Variants in KAZN observed in about 807,000 individuals in gnomAD.
KAZN encodes kazrin, periplakin interacting protein.
In KAZN, 40 loss-of-function variants were observed where a neutral mutation model predicts 87.4. That is an observed-to-expected ratio of 0.46 (90% confidence interval 0.36 to 0.60). The LOEUF (loss-of-function observed/expected upper bound fraction) is 0.60. Ranked by LOEUF, KAZN falls within the 20% of genes least tolerant of loss-of-function variation. The probability of loss-of-function intolerance (pLI) is 0.00; values close to 1 mark genes in which losing one functional copy is unlikely to be tolerated. For missense variants in KAZN, 898 were observed against 1,073.9 expected (o/e 0.84, Z 2.29); for synonymous variants, 466 against 458.3 (o/e 1.02, Z -0.22).
intron 8 of KAZN, among the ~76,000 whole-genome samples, chr1:15,078,413 T>A (rs1244953813): frequency 1.3e-5 from 2 of 151,724 alleles, no homozygotes; most frequent in African/African-American, 2.4e-5. Context: ...TCAAAAAAAA[T>A]AAAAAATAAA....
At chr1:14,000,084 G>T (rs373463875) in intron 1 of KAZN, among the ~76,000 whole-genome samples, 1 of 152,232 alleles carries the variant, frequency 6.6e-6, no homozygotes, top group African/African-American at 2.4e-5. Flanking sequence ...AAAAGTCCAG[G>T]ACCAGACGGA....
chr1:14,845,410 T>C (rs942246019), intron 1 of KAZN, among the ~76,000 whole-genome samples: 1 of 149,710 alleles, frequency 6.7e-6, no homozygotes, highest in Non-Finnish European at 1.5e-5. Context: ...GATAGATGGA[T>C]GGGTGGATAG....
In KAZN at chr1:14,737,217, C is replaced by A. The variant is rs1643935655; in HGVS notation, c.226+137994C>A. Among the ~76,000 whole-genome samples the A allele has an allele frequency of 3.9e-5, 6 of 152,120 alleles. No homozygotes were observed. In the South Asian group the frequency reaches 1.3e-3, roughly 32 times the overall value. ...GAAGGCACGCACGGAGACCCTGAAG[C>A]CTCAGGGTGCTCCAACATGCAAGGA... On this transcript the variant is annotated intron_variant, in intron 1 of 14. Transcript: ENST00000376030.
At chr1:15,070,134 C>T (rs1486460295) in intron 8 of KAZN, among the ~76,000 whole-genome samples, 4 of 152,184 alleles carry the variant, frequency 2.6e-5, no homozygotes, top group Non-Finnish European at 4.4e-5. Flanking sequence ...ACCACTCCAC[C>T]GTCTGAGCAG....
At position 13,917,897 on chromosome 1, in the gene KAZN, C is replaced by G. The variant is rs569319720; in HGVS notation, c.91+24141C>G. ...AAAGCCTGATGACAGCACATGTTTACAGCATGGTTTACTGAATATTTTAAG... is the reference window on the plus strand; with the variant it reads ...AAAGCCTGATGACAGCACATGTTTAGAGCATGGTTTACTGAATATTTTAAG... On this transcript the variant is annotated intron_variant, in intron 1 of 16. Coordinates refer to the KAZN transcript ENST00000636203. Among the ~76,000 whole-genome samples the G allele has an allele frequency of 2.9e-4, 44 of 151,492 alleles. 1 individual carries two copies. Among genetic ancestry groups the G allele is most frequent in the Non-Finnish European group, 5.3e-4 (36 of 67,924 alleles).
chr1:14,478,703 C>T (rs1668908546), intron 2 of KAZN, among the ~76,000 whole-genome samples: 1 of 152,192 alleles, frequency 6.6e-6, no homozygotes, highest in Non-Finnish European at 1.5e-5. Flanking sequence ...ACCTCGTGCT[C>T]CATGGCTACT....
In KAZN at chr1:14,385,795, T is replaced by A. The variant is rs199849815; in HGVS notation, c.249+205203T>A. ...TGAAAAAAATGTATATTCTGTTGAT[T>A]TGGGGTGGAGAGTTCTGTAGATGTC... On this transcript the variant is annotated intron_variant, in intron 2 of 16. Coordinates refer to the KAZN transcript ENST00000636203. Among the ~76,000 whole-genome samples, 56 of 150,130 alleles carry A rather than the reference T, an allele frequency of 3.7e-4. No individual in the cohort carries two copies. In the East Asian group the frequency reaches 9.9e-3, roughly 27 times the overall value.
chr1:13,981,132 A>ATG (rs1638687547), intron 1 of KAZN, among the ~76,000 whole-genome samples: 1 of 26,240 alleles, frequency 3.8e-5, no homozygotes. Flanking sequence ...CACAGATTAT[A>ATG]TATAGTACAA....
intron 1 of KAZN, among the ~76,000 whole-genome samples, chr1:14,860,900 G>T (rs900637361): frequency 1.3e-5 from 2 of 152,156 alleles, no homozygotes; most frequent in Non-Finnish European, 2.9e-5. Context: ...TTGGCACTGG[G>T]GTTGGTCATG....
At chr1:14,012,521 A>T (rs1023958561) in intron 1 of KAZN, among the ~76,000 whole-genome samples, 5 of 152,182 alleles carry the variant, frequency 3.3e-5, no homozygotes, top group African/African-American at 1.2e-4. Flanking sequence ...CTACTTTTAA[A>T]AATACATATT....
intron 1 of KAZN, among the ~76,000 whole-genome samples, chr1:13,968,158 T>G (rs1412271939): frequency 2.0e-5 from 3 of 152,170 alleles, no homozygotes; most frequent in Non-Finnish European, 4.4e-5. Flanking sequence ...GTCCTGCAGG[T>G]GTGCAGCTCA....
At chr1:13,947,504 C>T (rs904870187) in intron 1 of KAZN, among the ~76,000 whole-genome samples, 1 of 152,146 alleles carries the variant, frequency 6.6e-6, no homozygotes, top group Non-Finnish European at 1.5e-5. Context: ...GGACGCAGAG[C>T]CAAACCATAT....
intron 1 of KAZN, among the ~76,000 whole-genome samples, chr1:14,914,219 G>A (rs1223440345): frequency 6.6e-6 from 1 of 152,218 alleles, no homozygotes; most frequent in Non-Finnish European, 1.5e-5. Context: ...TGCTGCTGCA[G>A]CTGATCAGGG....
intron 2 of KAZN, among the ~76,000 whole-genome samples, chr1:14,186,888 G>A (rs1053962751): frequency 8.5e-5 from 13 of 152,106 alleles, no homozygotes; most frequent in African/African-American, 2.9e-4. Flanking sequence ...CCCACCAGAG[G>A]GGTTCAGGAT....
At chr1:14,440,814 G>A (rs956731533) in intron 2 of KAZN, among the ~76,000 whole-genome samples, 5 of 152,148 alleles carry the variant, frequency 3.3e-5, no homozygotes, top group African/African-American at 1.2e-4. Context: ...GAATTCCCAA[G>A]GCACACTACA....
chr1:14,416,826 ATGCT>A (rs1267203839), intron 2 of KAZN, among the ~76,000 whole-genome samples: 2 of 152,074 alleles, frequency 1.3e-5, no homozygotes, highest in African/African-American at 4.8e-5. Flanking sequence ...GTGGTGGCCC[ATGCT>A]TGTAATTCCA....
intron 2 of KAZN, among the ~76,000 whole-genome samples, chr1:14,493,272 G>A (rs921413495): frequency 1.3e-5 from 2 of 152,178 alleles, no homozygotes; most frequent in African/African-American, 4.8e-5. Flanking sequence ...TGGAAACCAG[G>A]CACAACACAA....
At chr1:14,126,646 T>A (rs1644875933) in intron 1 of KAZN, among the ~76,000 whole-genome samples, 1 of 144,398 alleles carries the variant, frequency 6.9e-6, no homozygotes, top group South Asian at 2.2e-4. Flanking sequence ...TAAAAAAAAA[T>A]AAGGACAATC....
chr1:14,439,891 A>G (rs190584497), intron 2 of KAZN, among the ~76,000 whole-genome samples: 142 of 152,172 alleles, frequency 9.3e-4, no homozygotes, highest in African/African-American at 2.8e-3. Context: ...TTCTTCCCGG[A>G]GGGTCCTTCT....
Sources: allele counts gnomAD v4.1 joint callset (sites outside exome capture counted in the v4.1 genomes callset), GRCh38; gene constraint gnomAD v4.1.1; transcripts MANE v1.5; gene names NCBI Gene and HGNC (gene_info 2026-07-23, HGNC 2026-07-21).